TTC39B: variants seen among roughly 807,000 people sequenced by gnomAD.
The protein encoded by TTC39B is tetratricopeptide repeat protein 39B.
A neutral mutation model predicts 96.6 loss-of-function variants in TTC39B; 92 were observed. That is an observed-to-expected ratio of 0.95 (90% CI 0.80 to 1.13). TTC39B has a LOEUF of 1.13. Ranked by LOEUF, TTC39B falls within the 50% of genes most tolerant of loss-of-function variation. The probability of loss-of-function intolerance (pLI) is 0.00; values close to 1 mark genes in which losing one functional copy is unlikely to be tolerated. For synonymous variants in TTC39B, 367 were observed against 299.4 expected (o/e 1.23, Z -2.33); for missense variants, 955 against 809.3 (o/e 1.18, Z -2.18).
chr9:15,264,977 A>G (rs1022197593), intron 2 of TTC39B, among the ~76,000 whole-genome samples: 3 of 151,994 alleles, frequency 2.0e-5, no homozygotes, highest in Non-Finnish European at 4.4e-5. Context: ...GATCAAAGGA[A>G]CTGAATGGAA....
chr9:15,197,107 G>A (rs748745120), intron 8 of TTC39B, among the ~76,000 whole-genome samples: 1 of 152,176 alleles, frequency 6.6e-6, no homozygotes, highest in Non-Finnish European at 1.5e-5. Flanking sequence ...ATACAGTACA[G>A]TATCAACGTA....
At chr9:15,219,137 G>C (rs1820697645) in intron 3 of TTC39B, among the ~76,000 whole-genome samples, 1 of 152,150 alleles carries the variant, frequency 6.6e-6, no homozygotes, top group Admixed American at 6.5e-5. Context: ...CCACTTCCCA[G>C]TTCTGTAACC....
chr9:15,211,192 C>G, intron 5 of TTC39B, 74 bp downstream of exon 5: 1 of 1,389,650 alleles, frequency 7.2e-7, no homozygotes. Flanking sequence ...TTTGGTCAGG[C>G]AAATGACATT....
rs1820201270 is a variant in TTC39B at position 15,211,543 on chromosome 9, C to T, written c.483-146G>A. 4 of 726,448 alleles carry T rather than the reference C, an allele frequency of 5.5e-6. No individual in the cohort carries two copies. The South Asian group carries it at 2.3e-4, about 41-fold the overall frequency. 45.0% of individuals were successfully genotyped at this position (726,448 alleles called of 1,614,324 possible). ...AAATTATATGGGTGGTGAAAAGTAA[C>T]CTCTTAAAAACTCAAGTACCAAGGA... On this transcript the variant is annotated intron_variant, in intron 4 of 19. Coordinates refer to ENST00000512701, the Ensembl canonical transcript of TTC39B.
intron 1 of TTC39B, among the ~76,000 whole-genome samples, chr9:15,305,373 G>A (rs1369007528): frequency 1.3e-5 from 2 of 152,158 alleles, no homozygotes; most frequent in Non-Finnish European, 2.9e-5. Context: ...TTATAGCAAT[G>A]GAAGTGGTAA....
At chr9:15,267,922 G>A in exon 2 of TTC39B, 1 of 1,609,198 alleles carries the variant, frequency 6.2e-7, no homozygotes, top group Non-Finnish European at 8.5e-7. Context: ...ACATTGAGAT[G>A]GTTTCCAAGG....
intron 19 of TTC39B, among the ~76,000 whole-genome samples, chr9:15,173,441 T>C (rs1817765607): frequency 1.3e-5 from 2 of 152,178 alleles, no homozygotes; most frequent in Non-Finnish European, 2.9e-5. Context: ...TCACCTCATT[T>C]GTCAAGGTCA....
intron 1 of TTC39B, among the ~76,000 whole-genome samples, chr9:15,287,945 C>CAAAAAAAAAAA (rs762069142): frequency 2.9e-5 from 2 of 68,946 alleles, no homozygotes; most frequent in African/African-American, 5.9e-5. Flanking sequence ...GACTCCATCT[C>CAAAAAAAAAAA]AAAAAAAAAA....
At chr9:15,255,908 T>C (rs1281780301) in intron 2 of TTC39B, among the ~76,000 whole-genome samples, 2 of 152,212 alleles carry the variant, frequency 1.3e-5, no homozygotes, top group South Asian at 2.1e-4. Flanking sequence ...CTGTGCCCTA[T>C]ACTCATTAGG....
At chr9:15,246,167 T>C (rs472916) in intron 2 of TTC39B, among the ~76,000 whole-genome samples, 56,839 of 151,954 alleles carry the variant, frequency 0.37, 14,895 homozygotes, top group African/African-American at 0.75. Context: ...GCAGGAGAAT[T>C]GCTTGAACCT....
At position 15,300,923 on chromosome 9, in the gene TTC39B, C is replaced by A. The variant is rs565671351; in HGVS notation, c.240+6161G>T. Among the ~76,000 whole-genome samples, 8 of 142,102 alleles carry A rather than the reference C, an allele frequency of 5.6e-5. No individual in the cohort carries two copies. In the East Asian group the frequency reaches 1.3e-3, roughly 23 times the overall value. 93.2% of individuals were successfully genotyped at this position (142,102 alleles called of 152,430 possible). Reference sequence around the variant, plus strand: ...AAAAAAAAAAAAAAAAAAAAACCTTCCAGGTTCCCATTTTTTAGGAGATAC... The same window carrying A: ...AAAAAAAAAAAAAAAAAAAAACCTTACAGGTTCCCATTTTTTAGGAGATAC... On this transcript the variant is annotated intron_variant, in intron 1 of 19. Coordinates refer to ENST00000512701, the Ensembl canonical transcript of TTC39B.
intron 1 of TTC39B, among the ~76,000 whole-genome samples, chr9:15,281,475 G>T (rs1823758645): frequency 6.6e-6 from 1 of 151,890 alleles, no homozygotes; most frequent in Non-Finnish European, 1.5e-5. Flanking sequence ...ATCCTTATAG[G>T]TAATTTTGGT....
exon 20 of TTC39B, chr9:15,167,065 C>A (rs1279043612): frequency 1.4e-5 from 1 of 71,398 alleles, no homozygotes; most frequent in African/African-American, 5.7e-5. Context: ...GAGACAGGGT[C>A]TCACTCTGTC....
intron 2 of TTC39B, among the ~76,000 whole-genome samples, chr9:15,262,379 G>A (rs781474030): frequency 2.0e-5 from 3 of 152,174 alleles, no homozygotes; most frequent in East Asian, 1.9e-4. Context: ...GATTACAGGC[G>A]TGAGCCATAG....
At chr9:15,280,100 G>A (rs889160347) in intron 1 of TTC39B, among the ~76,000 whole-genome samples, 4 of 152,034 alleles carry the variant, frequency 2.6e-5, no homozygotes, top group Non-Finnish European at 4.4e-5. Context: ...GTTTTGCCAT[G>A]TTGGCCTGGC....
At chr9:15,251,213 T>C (rs1029298906) in intron 2 of TTC39B, among the ~76,000 whole-genome samples, 2 of 151,768 alleles carry the variant, frequency 1.3e-5, no homozygotes, top group East Asian at 3.9e-4. Context: ...CAAAAAGTAA[T>C]ACCAGGTAAA....
At chr9:15,292,247 A>C (rs148384454) in intron 1 of TTC39B, among the ~76,000 whole-genome samples, 1 of 152,192 alleles carries the variant, frequency 6.6e-6, no homozygotes, top group African/African-American at 2.4e-5. Context: ...CAACAGGTCA[A>C]TGATGGACCA....
chr9:15,174,696 A>G (rs1265072954), intron 19 of TTC39B, among the ~76,000 whole-genome samples: 1 of 152,200 alleles, frequency 6.6e-6, no homozygotes, highest in African/African-American at 2.4e-5. Context: ...TTTATGCTAT[A>G]AAGCTAAAAA....
chr9:15,199,228 C>T (rs1444416624), intron 8 of TTC39B, among the ~76,000 whole-genome samples: 2 of 152,150 alleles, frequency 1.3e-5, no homozygotes, highest in Non-Finnish European at 2.9e-5. Context: ...GGCAGTGCTG[C>T]TCTGGAGTCT....
Sources: allele counts gnomAD v4.1 joint callset (sites outside exome capture counted in the v4.1 genomes callset), GRCh38; gene constraint gnomAD v4.1.1; transcripts MANE v1.5; gene names NCBI Gene and HGNC (gene_info 2026-07-23, HGNC 2026-07-21).